Variants in KCTD2 observed in about 807,000 individuals in gnomAD.
KCTD2 encodes the protein potassium channel tetramerization domain containing 2, also known as BTB/POZ domain-containing protein KCTD2.
In KCTD2, 18 loss-of-function variants were observed where a neutral mutation model predicts 27.9. The ratio of observed to expected loss-of-function variants is 0.64; its 90% CI spans 0.45 to 0.96. KCTD2 has a LOEUF of 0.96. KCTD2 is among the 40% of genes least tolerant of loss of function. KCTD2 has a pLI of 0.00. For missense variants in KCTD2, 280 were observed against 348.0 expected, an observed-to-expected ratio of 0.80 and a Z score of 1.56; for synonymous variants, 175 against 148.4, an observed-to-expected ratio of 1.18 and a Z score of -1.30.
At chr17:75,043,513 T>C (rs1240699934), upstream of KCTD2, among the ~76,000 whole-genome samples, 1 of 151,690 alleles carries the variant, frequency 6.6e-6, no homozygotes, top group East Asian at 1.9e-4. Flanking sequence ...CTCAAGAGGC[T>C]TAGACAGGAC....
chr17:75,056,522 AAATT>A (rs1434889933), intron 3 of KCTD2, among the ~76,000 whole-genome samples: 3 of 152,202 alleles, frequency 2.0e-5, no homozygotes, highest in Non-Finnish European at 4.4e-5. Context: ...GACCGCAATT[AAATT>A]AATTAGTCTT....
chr17:75,060,214 C>G (rs532159768), intron 4 of KCTD2, among the ~76,000 whole-genome samples: 14 of 152,042 alleles, frequency 9.2e-5, no homozygotes, highest in African/African-American at 3.1e-4. Flanking sequence ...AAGGCCAGAG[C>G]GAATAGAGTA....
At chr17:75,034,430 A>C (rs1007040145) in intron 2 of KCTD2, among the ~76,000 whole-genome samples, 6 of 152,116 alleles carry the variant, frequency 3.9e-5, no homozygotes, top group Non-Finnish European at 5.9e-5. Flanking sequence ...GCCCCTCTCG[A>C]CACCCCAGGT....
intron 2 of KCTD2, chr17:75,034,259 C>A (rs2040091648): frequency 6.6e-6 from 1 of 152,360 alleles, no homozygotes; most frequent in South Asian, 2.1e-4. Context: ...GCGGGGCAGC[C>A]CCGGAGAACC....
In KCTD2 at chr17:75,063,123, G is replaced by A. The variant is rs1005325236; in HGVS notation, c.*76G>A. 1 of 1,391,476 alleles carries A rather than the reference G, an allele frequency of 7.2e-7. No homozygotes were observed. Among genetic ancestry groups the A allele is most frequent in the South Asian group, 1.2e-5 (1 of 84,736 alleles). The allele number at this position is 1,391,476 out of a possible 1,614,324, so 86.2% of individuals were successfully genotyped here. On this transcript the variant is annotated 3_prime_UTR_variant, in exon 6 of 6. Transcript: ENST00000322444. ...CTCTGTGAAGTGAAACCTCACTCCT[G>A]TCCAGTGACCGAGCCACTGCAAAGC... is the stretch of plus-strand genomic sequence containing the variant.
chr17:75,058,150 T>G (rs1282098991), intron 3 of KCTD2, among the ~76,000 whole-genome samples: 1 of 150,380 alleles, frequency 6.6e-6, no homozygotes. Context: ...ATGGTGAGAC[T>G]TCGTCTCTAC....
upstream of KCTD2, among the ~76,000 whole-genome samples, chr17:75,045,796 A>G (rs895245434): frequency 2.0e-5 from 3 of 152,240 alleles, no homozygotes; most frequent in African/African-American, 7.2e-5. Flanking sequence ...GGAACGATAT[A>G]CATCCTCAAC....
intron 1 of KCTD2, chr17:75,048,846 G>C (rs976102089): frequency 6.3e-6 from 1 of 159,612 alleles, no homozygotes; most frequent in Non-Finnish European, 1.4e-5. Context: ...CTCAAGCAAA[G>C]ATTTCAGTTA....
intron 1 of KCTD2, among the ~76,000 whole-genome samples, chr17:75,033,875 G>C (rs535618536): frequency 1.3e-5 from 2 of 152,286 alleles, no homozygotes; most frequent in African/African-American, 4.8e-5. Flanking sequence ...TCGCTTATGA[G>C]GGGAAGGGAT....
chr17:75,057,761 A>G (rs1355362783), intron 3 of KCTD2, among the ~76,000 whole-genome samples: 1 of 151,744 alleles, frequency 6.6e-6, no homozygotes, highest in African/African-American at 2.4e-5. Flanking sequence ...GGGTTTCACC[A>G]TGTTGGCCAG....
At chr17:75,054,262 C>T (rs2073325737) in intron 3 of KCTD2, among the ~76,000 whole-genome samples, 1 of 152,108 alleles carries the variant, frequency 6.6e-6, no homozygotes, top group Non-Finnish European at 1.5e-5. Context: ...ACCCGCCCAC[C>T]TCATCCTCCC....
chr17:75,038,003 C>G (rs1416207828), intron 3 of KCTD2, among the ~76,000 whole-genome samples: 1 of 151,930 alleles, frequency 6.6e-6, no homozygotes, highest in Non-Finnish European at 1.5e-5. Flanking sequence ...GAGCCGAGAT[C>G]GTCCCACTGC....
At chr17:75,054,078 C>T (rs1238089805) in intron 3 of KCTD2, among the ~76,000 whole-genome samples, 5 of 151,656 alleles carry the variant, frequency 3.3e-5, no homozygotes, top group African/African-American at 7.3e-5. Context: ...AGTGCAGTGG[C>T]GTGATCACAG....
intron 2 of KCTD2, chr17:75,035,194 T>C (rs1307662116): frequency 6.6e-6 from 1 of 152,104 alleles, no homozygotes; most frequent in Non-Finnish European, 1.5e-5. Flanking sequence ...CGGAACGTTT[T>C]AATCCCTGCA....
At chr17:75,040,033 A>G (rs927768605) in intron 3 of KCTD2, 11 of 1,569,754 alleles carry the variant, frequency 7.0e-6, no homozygotes, top group Non-Finnish European at 9.6e-6. Context: ...ACTTAGCTAT[A>G]ATAGAGAGCT....
chr17:75,052,893 C>CA, intron 2 of KCTD2, 121 bp from the exon 3 acceptor site: 1 of 780,602 alleles, frequency 1.3e-6, no homozygotes, highest in East Asian at 2.7e-5. Context: ...GACTCCGTCT[C>CA]AAAAAATAAG....
Position 75,063,139 on chromosome 17 carries a change from A to G in KCTD2, c.*92A>G. On this transcript the variant is annotated 3_prime_UTR_variant, in exon 6 of 6. Coordinates refer to ENST00000322444, the MANE Select transcript of KCTD2 (RefSeq NM_015353.3). ...CTCACTCCTGTCCAGTGACCGAGCC[A>G]CTGCAAAGCACAGCTGATCCTGGCC... 1 of 1,193,260 alleles carries G rather than the reference A, an allele frequency of 8.4e-7. No homozygotes were observed. The highest frequency in any genetic ancestry group is 1.2e-6 in the Non-Finnish European group (1 of 805,970). The allele number at this position is 1,193,260 out of a possible 1,614,324, so 73.9% of individuals were successfully genotyped here. A position where few individuals can be genotyped will look rare whatever the true frequency, so the allele number is the denominator to read the frequency against.
At chr17:75,047,187 C>A, upstream of KCTD2, 1 of 493,318 alleles carries the variant, frequency 2.0e-6, no homozygotes, top group Non-Finnish European at 3.0e-6. Flanking sequence ...GCCCGGCTCT[C>A]CCTGCCGAGA....
In KCTD2 at chr17:75,039,727, A is replaced by G. The variant is rs143272748; in HGVS notation, c.-259+4370A>G. 13 of 271,256 alleles carry G rather than the reference A, an allele frequency of 4.8e-5. No individual in the cohort carries two copies. In the East Asian group the frequency reaches 8.8e-4, roughly 18 times the overall value. 16.8% of individuals were successfully genotyped at this position (271,256 alleles called of 1,614,324 possible). A position where few individuals can be genotyped will look rare whatever the true frequency, so the allele number is the denominator to read the frequency against. Reference sequence around the variant, plus strand: ...TTGTTTCTAACAGCTTTGTTGAGGTATATCTGAAATATGATAAAATGCACA... The same window carrying G: ...TTGTTTCTAACAGCTTTGTTGAGGTGTATCTGAAATATGATAAAATGCACA... On this transcript the variant is annotated intron_variant, in intron 3 of 7. Transcript: ENST00000581589.
Sources: gnomAD v4.1 joint callset for allele counts (sites outside exome capture counted in the v4.1 genomes callset) on GRCh38, gnomAD v4.1.1 for gene constraint, MANE v1.5 for transcripts, NCBI Gene and HGNC (gene_info 2026-07-23, HGNC 2026-07-21) for gene names.